Variants in PDZRN4 observed in about 807,000 individuals in gnomAD.
PDZRN4 encodes the protein PDZ domain containing ring finger 4, also known as PDZ domain-containing RING finger protein 4.
PDZRN4 carries 70 observed loss-of-function variants against 99.0 expected under a neutral mutation model. The ratio of observed to expected loss-of-function variants is 0.71; its 90% CI spans 0.58 to 0.86. The LOEUF is 0.86. Among genes scored for constraint, PDZRN4 ranks in the 40% least tolerant of loss-of-function variants. PDZRN4 has a pLI of 0.00. For synonymous variants in PDZRN4, 551 were observed against 501.6 expected (o/e 1.10, Z -1.32); for missense variants, 1,474 against 1,331.2 (o/e 1.11, Z -1.67).
intron 3 of PDZRN4, among the ~76,000 whole-genome samples, chr12:41,206,999 A>C (rs1431493767): frequency 2.6e-5 from 4 of 151,964 alleles, no homozygotes; most frequent in Admixed American, 2.6e-4. Context: ...CAAAACTGAT[A>C]CTTTTGGCCT....
chr12:41,216,177 G>A (rs1950919770), intron 3 of PDZRN4, among the ~76,000 whole-genome samples: 1 of 151,896 alleles, frequency 6.6e-6, no homozygotes, highest in South Asian at 2.1e-4. Flanking sequence ...TTAGTACAAC[G>A]AGTACATTCA....
chr12:41,200,153 G>A (rs1235178246), intron 3 of PDZRN4, among the ~76,000 whole-genome samples: 1 of 152,116 alleles, frequency 6.6e-6, no homozygotes, highest in African/African-American at 2.4e-5. Context: ...AAATCGAGTA[G>A]GGTAACAGTA....
At chr12:41,343,556 A>G (rs1003416391) in intron 3 of PDZRN4, among the ~76,000 whole-genome samples, 11 of 151,918 alleles carry the variant, frequency 7.2e-5, no homozygotes, top group Non-Finnish European at 1.6e-4. Flanking sequence ...AAGAGAATAA[A>G]GCAGTGTTTA....
intron 3 of PDZRN4, among the ~76,000 whole-genome samples, chr12:41,377,984 G>A (rs1952094363): frequency 6.6e-6 from 1 of 151,962 alleles, no homozygotes; most frequent in South Asian, 2.1e-4. Context: ...TCTTCTTCTT[G>A]CTTGATGCTA....
chr12:41,556,258 A>T lies in PDZRN4; in HGVS notation c.1365+498A>T, dbSNP rs557916903. ...ATCTAGATGTTCCTTTGCTATATGA[A>T]AGTCTAGAAGTTTGAAGGTGCCAAC... On this transcript the variant is annotated intron_variant, in intron 7 of 9. Transcript: ENST00000402685. Among the ~76,000 whole-genome samples the T allele has an allele frequency of 6.4e-4, 97 of 152,332 alleles. 3 individuals carry two copies. In the South Asian group the frequency reaches 0.02, roughly 31 times the overall value.
At chr12:41,259,702 G>A (rs374533456) in intron 3 of PDZRN4, among the ~76,000 whole-genome samples, 57 of 152,116 alleles carry the variant, frequency 3.7e-4, no homozygotes, top group African/African-American at 1.3e-3. Flanking sequence ...AAAAAAATAT[G>A]AGTATATTGG....
chr12:41,325,067 G>A (rs919542408), intron 3 of PDZRN4, among the ~76,000 whole-genome samples: 1 of 152,038 alleles, frequency 6.6e-6, no homozygotes, highest in African/African-American at 2.4e-5. Flanking sequence ...CTCTTAAACT[G>A]TGGACCAACT....
chr12:41,526,525 A>C lies in PDZRN4; in HGVS notation c.1203+16612A>C, dbSNP rs546657894. ...TTTAAAACATGATGGTAATTGTTGG[A>C]ATGTGGAGCATAAGGAAAGTCCTGA... On this transcript the variant is annotated intron_variant, in intron 5 of 9. Transcript: ENST00000402685. Among the ~76,000 whole-genome samples the C allele has an allele frequency of 2.0e-5, 3 of 152,346 alleles. No individual in the cohort carries two copies. The East Asian group carries it at 5.8e-4, about 29-fold the overall frequency.
intron 6 of PDZRN4, among the ~76,000 whole-genome samples, chr12:41,555,230 CAAAA>C (rs1171846086): frequency 0.27 from 5,622 of 20,798 alleles, 270 homozygotes; most frequent in East Asian, 0.44. Context: ...GACTCTGTCT[CAAAA>C]AAAAAAAAAA....
intron 3 of PDZRN4, among the ~76,000 whole-genome samples, chr12:41,430,870 G>C (rs976527212): frequency 3.9e-5 from 6 of 152,200 alleles, no homozygotes; most frequent in Non-Finnish European, 8.8e-5. Flanking sequence ...AGAGGCTTCT[G>C]CTTCTGTGGA....
chr12:41,418,193 G>T (rs1952459818), intron 3 of PDZRN4, among the ~76,000 whole-genome samples: 1 of 152,080 alleles, frequency 6.6e-6, no homozygotes, highest in Admixed American at 6.6e-5. Context: ...TATTGATGTT[G>T]CATGTATTCA....
chr12:41,537,041 T>C (rs563964971), intron 5 of PDZRN4, among the ~76,000 whole-genome samples: 3 of 152,306 alleles, frequency 2.0e-5, no homozygotes, highest in Admixed American at 1.3e-4. Flanking sequence ...CCGTCTTTCA[T>C]ATGGGTCCTA....
chr12:41,466,175 T>C (rs1952923343), intron 3 of PDZRN4, among the ~76,000 whole-genome samples: 1 of 151,936 alleles, frequency 6.6e-6, no homozygotes, highest in Non-Finnish European at 1.5e-5. Context: ...GGGAATCTCA[T>C]CAGAAAAGCC....
intron 5 of PDZRN4, among the ~76,000 whole-genome samples, chr12:41,536,765 A>AAAAAAAAAAAAAC (rs946899675): frequency 1.3e-5 from 2 of 151,802 alleles, no homozygotes; most frequent in African/African-American, 4.8e-5. Flanking sequence ...GAAAAGTAAA[A>AAAAAAAAAAAAAC]AAAAAAAACC....
intron 8 of PDZRN4, 126 bp downstream of exon 8, chr12:41,563,775 C>G (rs1380079424): frequency 4.4e-6 from 3 of 684,870 alleles, no homozygotes; most frequent in East Asian, 2.8e-5. Flanking sequence ...ACGGTTATCT[C>G]TCCCCATATA....
At chr12:41,236,772 G>A (rs191310763) in intron 3 of PDZRN4, among the ~76,000 whole-genome samples, 63 of 152,152 alleles carry the variant, frequency 4.1e-4, no homozygotes, top group Admixed American at 3.3e-3. Context: ...CACTTTATTA[G>A]CTCACCATTC....
At chr12:41,541,418 C>A (rs1938851973) in intron 5 of PDZRN4, among the ~76,000 whole-genome samples, 1 of 151,710 alleles carries the variant, frequency 6.6e-6, no homozygotes, top group South Asian at 2.1e-4. Flanking sequence ...TAGTATGTCA[C>A]CCAAAGTTGA....
At chr12:41,378,070 G>T (rs1952094726) in intron 3 of PDZRN4, among the ~76,000 whole-genome samples, 1 of 152,112 alleles carries the variant, frequency 6.6e-6, no homozygotes, top group Non-Finnish European at 1.5e-5. Context: ...GATCTTAAAA[G>T]AATTCAGGTT....
intron 3 of PDZRN4, among the ~76,000 whole-genome samples, chr12:41,292,510 A>T (rs1277673207): frequency 6.6e-6 from 1 of 152,004 alleles, no homozygotes; most frequent in African/African-American, 2.4e-5. Flanking sequence ...TCTTGATTTG[A>T]TCCTTACATT....
Sources: gnomAD v4.1 joint callset for allele counts (sites outside exome capture counted in the v4.1 genomes callset) on GRCh38, gnomAD v4.1.1 for gene constraint, MANE v1.5 for transcripts, NCBI Gene and HGNC (gene_info 2026-07-23, HGNC 2026-07-21) for gene names.